MAP2K1: variants seen among roughly 807,000 people sequenced by gnomAD.
MAP2K1 encodes dual specificity mitogen-activated protein kinase kinase 1.
A neutral mutation model predicts 46.3 loss-of-function variants in MAP2K1; 16 were observed. The observed-to-expected ratio is 0.35, with a 90% confidence interval of 0.23 to 0.52. The LOEUF is 0.52. MAP2K1 is among the 20% of genes least tolerant of loss of function. The pLI is 0.94. For missense variants in MAP2K1, 263 were observed against 497.1 expected, an observed-to-expected ratio of 0.53 and a Z score of 4.48; for synonymous variants, 183 against 185.6, an observed-to-expected ratio of 0.99 and a Z score of 0.11.
rs528719618 is a variant in MAP2K1, at chr15:66,438,309, G to C, written c.438+1417G>C. ...TCACCATGTTGGCCAGGCTGGTCTC[G>C]AACTCCTGACCTCATGATCTGCCCG... is the stretch of plus-strand genomic sequence containing the variant. On this transcript the variant is annotated intron_variant, in intron 3 of 10. Coordinates refer to ENST00000307102, the MANE Select transcript of MAP2K1 (RefSeq NM_002755.4). 4.3e-4 allele frequency among the ~76,000 whole-genome samples: 65 copies of C among 151,946 alleles called. 1 individual carries two copies. Among genetic ancestry groups the C allele is most frequent in the Middle Eastern group, 3.4e-3 (1 of 294 alleles).
At chr15:66,449,366 G>C (rs1194642843) in intron 5 of MAP2K1, among the ~76,000 whole-genome samples, 2 of 152,152 alleles carry the variant, frequency 1.3e-5, no homozygotes, top group Non-Finnish European at 2.9e-5. Context: ...GTACAAAAGA[G>C]TACATACTGT....
At chr15:66,407,015 A>C (rs890092032) in intron 1 of MAP2K1, among the ~76,000 whole-genome samples, 2 of 152,150 alleles carry the variant, frequency 1.3e-5, no homozygotes, top group Non-Finnish European at 2.9e-5. Context: ...ACAAAACAAA[A>C]AAAAAGATTG....
intron 2 of MAP2K1, among the ~76,000 whole-genome samples, 161 bp downstream of exon 2, chr15:66,435,398 G>T (rs2093485336): frequency 6.7e-6 from 1 of 149,828 alleles, no homozygotes; most frequent in Admixed American, 6.7e-5. Context: ...TGCCCAGGCT[G>T]GTGTGCAACC....
intron 1 of MAP2K1, among the ~76,000 whole-genome samples, chr15:66,425,918 G>GGC (rs1246494311): frequency 6.6e-6 from 1 of 152,104 alleles, no homozygotes; most frequent in Non-Finnish European, 1.5e-5. Context: ...TTTCAGTCAG[G>GGC]GCCTTCCACA....
intron 1 of MAP2K1, among the ~76,000 whole-genome samples, chr15:66,421,121 CACACAT>C (rs200663450): frequency 0.38 from 43,795 of 114,848 alleles, 6,988 homozygotes; most frequent in East Asian, 0.51. Context: ...CACACACACA[CACACAT>C]ATATATATAT....
chr15:66,471,682 C>G, intron 5 of MAP2K1, among the ~76,000 whole-genome samples: 1 of 151,834 alleles, frequency 6.6e-6, no homozygotes, highest in South Asian at 2.1e-4. Context: ...ATCAGCTAAC[C>G]AAACCCCAGG....
At chr15:66,469,642 C>A (rs944440988) in intron 5 of MAP2K1, among the ~76,000 whole-genome samples, 2 of 141,596 alleles carry the variant, frequency 1.4e-5, no homozygotes, top group African/African-American at 2.6e-5. Flanking sequence ...CAAAAAAAGA[C>A]AGGGTCCTAG....
Position 66,491,040 on chromosome 15 carries a change from G to A in MAP2K1, c.*425G>A, listed in dbSNP as rs56366941. 2.5e-6 allele frequency: 1 copy of A among 401,336 alleles called. No homozygotes were observed. Among genetic ancestry groups the A allele is most frequent in the Admixed American group, 4.3e-5 (1 of 23,420 alleles). 24.9% of individuals were successfully genotyped at this position (401,336 alleles called of 1,614,324 possible). A position where few individuals can be genotyped will look rare whatever the true frequency, so the allele number is the denominator to read the frequency against. ...TACTTTCTCTCTAGGAGGGAGCCTT[G>A]TGAGATCCTTCACAGGCAGTGCATG... On this transcript the variant is annotated 3_prime_UTR_variant, in exon 11 of 11. Transcript: ENST00000307102.
chr15:66,449,021 A>C (rs966639723), intron 5 of MAP2K1, among the ~76,000 whole-genome samples: 1 of 150,890 alleles, frequency 6.6e-6, no homozygotes, highest in Non-Finnish European at 1.5e-5. Flanking sequence ...AAAAAAAAAA[A>C]AAAAAAACAA....
chr15:66,405,304 C>G (rs889710360), intron 1 of MAP2K1, among the ~76,000 whole-genome samples: 1 of 152,102 alleles, frequency 6.6e-6, no homozygotes, highest in Non-Finnish European at 1.5e-5. Context: ...CCCAAAACTG[C>G]TAAATTTAAA....
At chr15:66,406,034 T>A (rs1181962511) in intron 1 of MAP2K1, among the ~76,000 whole-genome samples, 1 of 152,216 alleles carries the variant, frequency 6.6e-6, no homozygotes, top group Non-Finnish European at 1.5e-5. Flanking sequence ...TCAAATAGAT[T>A]TAGATTATGG....
chr15:66,388,672 A>G (rs2093349029), intron 1 of MAP2K1, among the ~76,000 whole-genome samples: 1 of 152,042 alleles, frequency 6.6e-6, no homozygotes, highest in Non-Finnish European at 1.5e-5. Context: ...TGCCCAGCCA[A>G]CTTTCTCTAG....
chr15:66,395,195 A>C (rs1158445815), intron 1 of MAP2K1, among the ~76,000 whole-genome samples: 1 of 152,232 alleles, frequency 6.6e-6, no homozygotes, highest in African/African-American at 2.4e-5. Flanking sequence ...TTTCCTATGC[A>C]GTATATGCCT....
intron 1 of MAP2K1, among the ~76,000 whole-genome samples, chr15:66,420,757 G>GTATATA: frequency 4.9e-5 from 1 of 20,258 alleles, no homozygotes; most frequent in Admixed American, 5.8e-4. Flanking sequence ...GTGTGTGTGT[G>GTATATA]TGTATGTGTG....
chr15:66,413,696 C>A (rs920786904), intron 1 of MAP2K1, among the ~76,000 whole-genome samples: 4 of 151,830 alleles, frequency 2.6e-5, no homozygotes, highest in Non-Finnish European at 4.4e-5. Context: ...TTGGGGGATA[C>A]TTCCAGCTTA....
At chr15:66,474,589 A>G (rs1405372842) in intron 5 of MAP2K1, among the ~76,000 whole-genome samples, 5 of 152,264 alleles carry the variant, frequency 3.3e-5, no homozygotes, top group East Asian at 3.9e-4. Context: ...TTGGAGTACA[A>G]CTTATTATGG....
intron 1 of MAP2K1, among the ~76,000 whole-genome samples, chr15:66,393,797 G>A (rs2093361904): frequency 6.6e-6 from 1 of 152,140 alleles, no homozygotes; most frequent in Admixed American, 6.5e-5. Context: ...CATTCCTGCT[G>A]CCTGGAAAGC....
intron 1 of MAP2K1, among the ~76,000 whole-genome samples, chr15:66,402,543 A>G (rs2093384723): frequency 6.6e-6 from 1 of 152,210 alleles, no homozygotes; most frequent in African/African-American, 2.4e-5. Flanking sequence ...TTCGTGGGGT[A>G]TCTTTCCATT....
chr15:66,412,707 G>C (rs2093414324), intron 1 of MAP2K1, among the ~76,000 whole-genome samples: 1 of 151,950 alleles, frequency 6.6e-6, no homozygotes, highest in Non-Finnish European at 1.5e-5. Flanking sequence ...TTTGAGATGG[G>C]GTCTTGCCGT....
Sources: allele counts gnomAD v4.1 joint callset (sites outside exome capture counted in the v4.1 genomes callset), GRCh38; gene constraint gnomAD v4.1.1; transcripts MANE v1.5; gene names NCBI Gene and HGNC (gene_info 2026-07-23, HGNC 2026-07-21).